Variants in MR1 observed in about 807,000 individuals in gnomAD.
MR1 encodes the protein major histocompatibility complex class I-related protein 1.
In MR1, 44 loss-of-function variants were observed where a neutral mutation model predicts 37.8. That is an observed-to-expected ratio of 1.16 (90% CI 0.91 to 1.50). The LOEUF (loss-of-function observed/expected upper bound fraction) is 1.50, where lower values mean the gene tolerates loss of function less well. Among genes scored for constraint, MR1 ranks in the 40% most tolerant of loss-of-function variants. The pLI is 0.00. For missense variants in MR1, 386 were observed against 419.1 expected (o/e 0.92, Z 0.69); for synonymous variants, 153 against 155.8 (o/e 0.98, Z 0.13).
chr1:181,052,617 G>A (rs1025322477), intron 4 of MR1, 107 bp downstream of exon 4: 6 of 1,243,252 alleles, frequency 4.8e-6, no homozygotes, highest in Non-Finnish European at 6.7e-6. Flanking sequence ...GCCTCACTCA[G>A]TGTGCCTTAG....
In MR1 at chr1:181,058,625, GAGA is replaced by G. The variant is rs1658756974; in HGVS notation, c.*3364_*3366del. On this transcript the variant is annotated 3_prime_UTR_variant, in exon 6 of 6. Transcript: ENST00000367580. The stretch of plus-strand genomic sequence containing the variant: ...TTCTCCTCTTCTTTTTTTGGCCTGA[GAGA>G]AGATGTTTTTGCACTTGTAGCTATG... 1 of 152,070 alleles carries G rather than the reference GAGA, an allele frequency of 6.6e-6. No individual in the cohort carries two copies. The highest frequency in any genetic ancestry group is 1.9e-4 in the East Asian group (1 of 5,196). The allele number at this position is 152,070 out of a possible 1,614,324, so 9.4% of individuals were successfully genotyped here.
intron 1 of MR1, among the ~76,000 whole-genome samples, chr1:181,045,925 G>T (rs562440233): frequency 4.6e-4 from 70 of 152,352 alleles, no homozygotes; most frequent in Non-Finnish European, 9.0e-4. Flanking sequence ...CCCTGCACTG[G>T]GGGCAGCCGG....
chr1:181,060,392 T>C lies in MR1; in HGVS notation c.*5127T>C, dbSNP rs138498773. On this transcript the variant is annotated 3_prime_UTR_variant, in exon 6 of 6. Coordinates refer to ENST00000367580, the MANE Select transcript of MR1 (RefSeq NM_001385161.1). ...ACATGAATTTTTTGGAGGAAACAAT[T>C]CAACTCCTAACACATCTCTACCCAA... 3.8e-4 allele frequency: 58 copies of C among 152,262 alleles called. No homozygotes were observed. The highest frequency in any genetic ancestry group is 1.3e-3 in the African/African-American group (55 of 41,564). The allele number at this position is 152,262 out of a possible 1,614,324, so 9.4% of individuals were successfully genotyped here.
chr1:181,049,784 C>A (rs529679485), intron 2 of MR1: 8 of 568,420 alleles, frequency 1.4e-5, no homozygotes, highest in African/African-American at 3.7e-5. Flanking sequence ...CTCCCCAAGG[C>A]GGGAATTAGC....
At chr1:181,053,870 G>A (rs1308116684) in intron 5 of MR1, among the ~76,000 whole-genome samples, 193 bp downstream of exon 5, 1 of 152,166 alleles carries the variant, frequency 6.6e-6, no homozygotes, top group African/African-American at 2.4e-5. Context: ...CAGGGAGAGT[G>A]GTCTCTTTTC....
chr1:181,038,250 A>T (rs934456435), intron 1 of MR1, among the ~76,000 whole-genome samples: 1 of 152,226 alleles, frequency 6.6e-6, no homozygotes, highest in African/African-American at 2.4e-5. Context: ...CGCCACTTTT[A>T]TGCTCTAAGT....
intron 1 of MR1, among the ~76,000 whole-genome samples, chr1:181,044,736 C>T (rs1657759580): frequency 6.6e-6 from 1 of 152,208 alleles, no homozygotes; most frequent in Admixed American, 6.5e-5. Context: ...CCCTTGAGGG[C>T]CTTGCTAGGC....
In MR1 at chr1:181,034,305, C is replaced by T. The variant is rs146791114; in HGVS notation, c.67+231C>T. 4.8e-3 allele frequency among the ~76,000 whole-genome samples: 731 copies of T among 152,258 alleles called. 1 individual carries two copies. Among genetic ancestry groups the T allele is most frequent in the African/African-American group, 0.017 (686 of 41,556 alleles). On this transcript the variant is annotated intron_variant, in intron 1 of 5. Coordinates refer to ENST00000367580, the MANE Select transcript of MR1 (RefSeq NM_001385161.1). ...GGGAGGGGGAGCCGTTCTAGAAAGA[C>T]TCTGGAACTTCCTCACTTTCCCTCT...
rs142428410 is a variant in MR1, at chr1:181,052,258, C to T, written c.628C>T (p.Arg210Cys). Reference protein sequence around the residue: ...RTEPPLVRVNRKETFPGVTAL... With the variant: ...RTEPPLVRVNCKETFPGVTAL... ...AGAGCCCCCACTGGTCAGAGTAAAT[C>T]GCAAAGAAACTTTTCCAGGGGTTAC... The change falls in exon 4 of 6, where the codon CGC (arginine) becomes TGC (cysteine). Residue 210 changes from arginine (R) to cysteine (C), a missense_variant. Arg to Cys is a radical substitution (Grantham distance 180, BLOSUM62 -3). Coordinates refer to ENST00000367580, the MANE Select transcript of MR1 (RefSeq NM_001385161.1). 2.7e-5 allele frequency: 44 copies of T among 1,614,138 alleles called. No individual in the cohort carries two copies. In the Middle Eastern group the frequency reaches 9.9e-4, roughly 36 times the overall value.
chr1:181,039,291 G>C (rs750847646), intron 1 of MR1, among the ~76,000 whole-genome samples: 2 of 152,160 alleles, frequency 1.3e-5, no homozygotes, highest in African/African-American at 2.4e-5. Flanking sequence ...ATGCCTCATT[G>C]AAGGCCCATC....
chr1:181,048,253 C>T (rs1022240127), intron 1 of MR1, among the ~76,000 whole-genome samples: 11 of 116,430 alleles, frequency 9.4e-5, no homozygotes, highest in Admixed American at 3.6e-4. Flanking sequence ...AAATAAATTT[C>T]GGCCAGGCGC....
chr1:181,034,351 T>C (rs897373830), intron 1 of MR1, among the ~76,000 whole-genome samples: 2 of 152,180 alleles, frequency 1.3e-5, no homozygotes, highest in African/African-American at 2.4e-5. Flanking sequence ...TCCTTTCTTT[T>C]CTGCTCATAT....
intron 1 of MR1, among the ~76,000 whole-genome samples, chr1:181,038,907 G>A (rs1484111640): frequency 1.3e-5 from 2 of 152,050 alleles, no homozygotes; most frequent in African/African-American, 2.4e-5. Context: ...GGGTTCAAGC[G>A]ATTCTCCTGC....
At chr1:181,034,858 G>A (rs567765567) in intron 1 of MR1, among the ~76,000 whole-genome samples, 19 of 152,142 alleles carry the variant, frequency 1.2e-4, no homozygotes, top group Admixed American at 5.2e-4. Flanking sequence ...TTGGAAGGGC[G>A]AGGGGGGTGG....
intron 5 of MR1, 140 bp downstream of exon 5, chr1:181,053,817 A>G: frequency 1.6e-6 from 1 of 632,516 alleles, no homozygotes; most frequent in Non-Finnish European, 2.8e-6. Flanking sequence ...ACCTGGGACA[A>G]CCCTCCCACC....
chr1:181,052,180 A>ACC (rs1252616184), intron 3 of MR1, 55 bp from the exon 4 acceptor site: 62 of 1,561,340 alleles, frequency 4.0e-5, no homozygotes, highest in Non-Finnish European at 5.1e-5. Context: ...AAGTTCTAAT[A>ACC]TTATATGCTC....
upstream of MR1, among the ~76,000 whole-genome samples, chr1:181,033,639 C>A (rs1657122717): frequency 6.6e-6 from 1 of 152,162 alleles, no homozygotes; most frequent in African/African-American, 2.4e-5. Flanking sequence ...TTCTTACTGA[C>A]CCTTAAGCAA....
intron 1 of MR1, among the ~76,000 whole-genome samples, chr1:181,044,091 G>A (rs1370729034): frequency 1.3e-5 from 2 of 151,154 alleles, no homozygotes; most frequent in Non-Finnish European, 2.9e-5. Context: ...AGCCTCCCAA[G>A]TAGCTGGGAC....
At chr1:181,051,845 G>A (rs1658337521) in intron 3 of MR1, among the ~76,000 whole-genome samples, 1 of 152,166 alleles carries the variant, frequency 6.6e-6, no homozygotes, top group Non-Finnish European at 1.5e-5. Flanking sequence ...ATGAGAACAA[G>A]GAGTTCTAAT....
Sources: allele counts gnomAD v4.1 joint callset (sites outside exome capture counted in the v4.1 genomes callset), GRCh38; gene constraint gnomAD v4.1.1; transcripts MANE v1.5; gene names NCBI Gene and HGNC (gene_info 2026-07-23, HGNC 2026-07-21).